The following KRTCAP2 variants were observed in gnomAD, a reference collection of about 807,000 sequenced individuals.
The protein encoded by KRTCAP2 is dolichyl-diphosphooligosaccharide--protein glycosyltransferase subunit KCP2.
In KRTCAP2, 10 loss-of-function variants were observed where a neutral mutation model predicts 16.5. That is an observed-to-expected ratio of 0.60 (90% CI 0.37 to 1.02). The LOEUF is 1.02. Among genes scored for constraint, KRTCAP2 ranks in the 50% least tolerant of loss-of-function variants. The probability of loss-of-function intolerance (pLI) is 0.01; values close to 1 mark genes in which losing one functional copy is unlikely to be tolerated. For missense variants in KRTCAP2, 152 were observed against 159.6 expected, an observed-to-expected ratio of 0.95 and a Z score of 0.26; for synonymous variants, 68 against 69.8, an observed-to-expected ratio of 0.97 and a Z score of 0.13.
At chr1:155,171,871 A>ATT in intron 3 of KRTCAP2, 4 of 862,826 alleles carry the variant, frequency 4.6e-6, no homozygotes, top group Non-Finnish European at 5.6e-6. Context: ...AAAAAAAAAG[A>ATT]GAAAAGATTA....
intron 3 of KRTCAP2, chr1:155,171,722 G>T: frequency 1.9e-6 from 1 of 520,864 alleles, no homozygotes; most frequent in Non-Finnish European, 2.5e-6. Flanking sequence ...GCTGGGTGTG[G>T]TGGCACTCAC....
chr1:155,171,959 C>T (rs956107594), intron 3 of KRTCAP2: 20 of 986,066 alleles, frequency 2.0e-5, no homozygotes, highest in Non-Finnish European at 2.2e-5. Flanking sequence ...TTTCTGAGCA[C>T]GTGGCATTCC....
Position 155,172,850 on chromosome 1 carries a change from G to C in KRTCAP2, c.47C>G (p.Ser16Cys), listed in dbSNP as rs1665309143. 6.2e-7 allele frequency: 1 copy of C among 1,614,122 alleles called. No homozygotes were observed. The highest frequency in any genetic ancestry group is 8.5e-7 in the Non-Finnish European group (1 of 1,180,050). ...CTGCATCCCAGCAAAGAGCAGCAGGGACAGGAGGGAGGAGAGCGCCAGCGA... is the reference window on the plus strand; with the variant it reads ...CTGCATCCCAGCAAAGAGCAGCAGGCACAGGAGGGAGGAGAGCGCCAGCGA... The part of the protein sequence containing the change: ...GTSLALSSLL[S>C]LLLFAGMQMY... Residue 16 changes from serine (S) to cysteine (C), a missense_variant, in exon 2 of 5, where the codon TCC (serine) becomes TGC (cysteine). By Grantham distance (112) the Ser-to-Cys change is moderately radical. Transcript: ENST00000295682.
intron 3 of KRTCAP2, chr1:155,171,751 G>A (rs1271548113): frequency 5.3e-6 from 3 of 563,480 alleles, no homozygotes; most frequent in Non-Finnish European, 4.5e-6. Flanking sequence ...CCAGCTACTG[G>A]TAAGACTGAG....
intron 3 of KRTCAP2, chr1:155,171,966 T>C: frequency 2.0e-6 from 2 of 986,596 alleles, no homozygotes; most frequent in Non-Finnish European, 2.4e-6. Context: ...GCACGTGGCA[T>C]TCCTTAAGTA....
At position 155,170,039 on chromosome 1, in the gene KRTCAP2, G is replaced by A. The variant is rs1665190017; in HGVS notation, c.224-182C>T. On this transcript the variant is annotated intron_variant, in intron 3 of 4. Transcript: ENST00000295682. ...TGATACCCAGAACATGGAGGTAGGAGGTTGAGTGTGGTGGCTTGCACCTGG... is the reference window on the plus strand; with the variant it reads ...TGATACCCAGAACATGGAGGTAGGAAGTTGAGTGTGGTGGCTTGCACCTGG... 5.7e-6 allele frequency: 3 copies of A among 527,316 alleles called. No individual in the cohort carries two copies. In the South Asian group the frequency reaches 6.5e-5, roughly 11 times the overall value. 32.7% of individuals were successfully genotyped at this position (527,316 alleles called of 1,614,324 possible).
Position 155,172,641 on chromosome 1 carries a change from G to A in KRTCAP2, c.160-13C>T. Reference sequence around the variant, plus strand: ...GATTATTGAAGGCCTGGTTGAGGGAGTTAAGGAGTAGGGTGTGCAACGGGG... The same window carrying A: ...GATTATTGAAGGCCTGGTTGAGGGAATTAAGGAGTAGGGTGTGCAACGGGG... On this transcript the variant is annotated splice_polypyrimidine_tract_variant and intron_variant, in intron 2 of 4. Coordinates refer to ENST00000295682, the MANE Select transcript of KRTCAP2 (RefSeq NM_173852.4). 6 of 1,614,216 alleles carry A rather than the reference G, an allele frequency of 3.7e-6. No individual in the cohort carries two copies. Among genetic ancestry groups the A allele is most frequent in the Non-Finnish European group, 4.2e-6 (5 of 1,180,028 alleles).
chr1:155,172,084 A>G (rs1459699213), intron 3 of KRTCAP2: 1 of 994,214 alleles, frequency 1.0e-6, no homozygotes, highest in Non-Finnish European at 1.2e-6. Flanking sequence ...TCCAAACAGG[A>G]AATAATCTAA....
chr1:155,172,403 A>G (rs1665283183), intron 3 of KRTCAP2, 162 bp downstream of exon 3: 1 of 1,478,974 alleles, frequency 6.8e-7, no homozygotes, highest in African/African-American at 1.4e-5. Flanking sequence ...TCCAGGAGCT[A>G]TACAAGGTGC....
At chr1:155,171,638 A>G in intron 3 of KRTCAP2, 1 of 933,114 alleles carries the variant, frequency 1.1e-6, no homozygotes, top group Non-Finnish European at 1.3e-6. Context: ...TAGGAGGATC[A>G]CTTGAGCCCA....
At chr1:155,172,311 G>C in intron 3 of KRTCAP2, 4 of 1,345,166 alleles carry the variant, frequency 3.0e-6, no homozygotes, top group Non-Finnish European at 2.9e-6. Flanking sequence ...AAATTTGCCT[G>C]TTCCCCTCAA....
At position 155,169,922 on chromosome 1, in the gene KRTCAP2, G is replaced by A. The variant is rs1249246658; in HGVS notation, c.224-65C>T. On this transcript the variant is annotated intron_variant, in intron 3 of 4. Coordinates refer to ENST00000295682, the MANE Select transcript of KRTCAP2 (RefSeq NM_173852.4). ...TGGAAATACTAGGCATCTGCACATG[G>A]AGTCCAGGAGAAATCCGGGGCTCTC... is the stretch of plus-strand genomic sequence containing the variant. 5.6e-6 allele frequency: 6 copies of A among 1,069,900 alleles called. No individual in the cohort carries two copies. In the Admixed American group the frequency reaches 8.0e-5, roughly 14 times the overall value. The allele number at this position is 1,069,900 out of a possible 1,614,324, so 66.3% of individuals were successfully genotyped here. A position where few individuals can be genotyped will look rare whatever the true frequency, so the allele number is the denominator to read the frequency against.
At chr1:155,172,968 C>T in intron 1 of KRTCAP2, 76 bp from the exon 2 acceptor site, 1 of 1,518,384 alleles carries the variant, frequency 6.6e-7, no homozygotes, top group Non-Finnish European at 9.0e-7. Context: ...ATCAGCCGGT[C>T]CGGAAGCTCG....
rs762559421 is a variant in KRTCAP2 at position 155,169,469 on chromosome 1, C to A, written c.382G>T (p.Val128Phe). The change falls in exon 5 of 5, where the codon GTC becomes TTC. Residue 128 changes from valine to phenylalanine, a missense_variant. Val to Phe is a conservative substitution (Grantham distance 50, BLOSUM62 -1). Transcript: ENST00000295682. ...AAAPVLTPAK[V>F]TGKSKKRN Reference sequence around the variant, plus strand: ...TTTCTCTTCTTGCTCTTGCCTGTGACCTTGGCTGGTGTGAGGACTGGAGCT... The same window carrying A: ...TTTCTCTTCTTGCTCTTGCCTGTGAACTTGGCTGGTGTGAGGACTGGAGCT... The A allele has an allele frequency of 1.1e-5, 18 of 1,613,986 alleles. No individual in the cohort carries two copies. Among genetic ancestry groups the A allele is most frequent in the Non-Finnish European group, 1.4e-5 (17 of 1,179,996 alleles).
intron 3 of KRTCAP2, chr1:155,171,742 C>G: frequency 5.5e-6 from 3 of 542,938 alleles, no homozygotes; most frequent in Non-Finnish European, 7.0e-6. Context: ...CTGGTAGTCC[C>G]AGCTACTGGT....
At chr1:155,172,247 C>T in intron 3 of KRTCAP2, 1 of 1,217,204 alleles carries the variant, frequency 8.2e-7, no homozygotes, top group Non-Finnish European at 1.0e-6. Flanking sequence ...CCTGCTGCTT[C>T]TTCTGGTGGG....
chr1:155,172,036 T>C (rs938346995), intron 3 of KRTCAP2: 1 of 990,584 alleles, frequency 1.0e-6, no homozygotes, highest in Non-Finnish European at 1.2e-6. Context: ...AACTGAATCA[T>C]CAATTCTTGA....
At chr1:155,173,008 G>T in intron 1 of KRTCAP2, 116 bp from the exon 2 acceptor site, 1 of 1,156,426 alleles carries the variant, frequency 8.6e-7, no homozygotes, top group Non-Finnish European at 1.3e-6. Flanking sequence ...GAACTCCCGG[G>T]ACTGCAGCCA....
At chr1:155,171,994 A>T (rs947562469) in intron 3 of KRTCAP2, 72 of 988,028 alleles carry the variant, frequency 7.3e-5, no homozygotes, top group Non-Finnish European at 8.3e-5. Context: ...CTTGACACTT[A>T]ATTTGCTTTA....
Sources: allele counts gnomAD v4.1 joint callset, GRCh38; gene constraint gnomAD v4.1.1; transcripts MANE v1.5; gene names NCBI Gene and HGNC (gene_info 2026-07-23, HGNC 2026-07-21).